Variants in SH3RF3 observed in about 807,000 individuals in gnomAD.
SH3RF3 encodes the protein SH3 domain containing ring finger 3.
A neutral mutation model predicts 66.3 loss-of-function variants in SH3RF3; 29 were observed. The ratio of observed to expected loss-of-function variants is 0.44; its 90% confidence interval spans 0.33 to 0.60. The LOEUF (loss-of-function observed/expected upper bound fraction) is 0.60, where lower values mean the gene tolerates loss of function less well. Ranked by LOEUF, SH3RF3 falls within the 20% of genes least tolerant of loss-of-function variation. The probability of loss-of-function intolerance (pLI) is 0.04; values close to 1 mark genes in which losing one functional copy is unlikely to be tolerated. For synonymous variants in SH3RF3, 583 were observed against 532.0 expected (o/e 1.10, Z -1.32); for missense variants, 1,194 against 1,190.9 (o/e 1.00, Z -0.04).
intron 1 of SH3RF3, among the ~76,000 whole-genome samples, chr2:109,285,712 G>T (rs1216371370): frequency 6.6e-6 from 1 of 152,232 alleles, no homozygotes; most frequent in East Asian, 1.9e-4. Flanking sequence ...TTTTGCATCT[G>T]TCCCTGAGCC....
At chr2:109,142,060 G>C (rs915317908) in intron 1 of SH3RF3, among the ~76,000 whole-genome samples, 1 of 151,642 alleles carries the variant, frequency 6.6e-6, no homozygotes, top group African/African-American at 2.4e-5. Flanking sequence ...GGGGTCTCAG[G>C]TATGTGCCTA....
chr2:109,299,317 GCTT>G (rs1213844728), intron 1 of SH3RF3, among the ~76,000 whole-genome samples: 1 of 152,110 alleles, frequency 6.6e-6, no homozygotes, highest in Non-Finnish European at 1.5e-5. Context: ...AAAATTTGAA[GCTT>G]GCAGGGGCAG....
At chr2:109,468,736 C>A (rs1385440846) in intron 8 of SH3RF3, among the ~76,000 whole-genome samples, 1 of 151,418 alleles carries the variant, frequency 6.6e-6, no homozygotes, top group Non-Finnish European at 1.5e-5. Flanking sequence ...CACCTGTAAT[C>A]CCAGCTACTC....
intron 1 of SH3RF3, among the ~76,000 whole-genome samples, chr2:109,265,193 A>C (rs1037867046): frequency 5.3e-5 from 8 of 151,950 alleles, no homozygotes; most frequent in Non-Finnish European, 1.2e-4. Flanking sequence ...GAGGGTTCCT[A>C]GTGGAAAGGA....
chr2:109,155,155 G>T (rs1053974986), intron 1 of SH3RF3, among the ~76,000 whole-genome samples: 2 of 152,202 alleles, frequency 1.3e-5, no homozygotes, highest in African/African-American at 4.8e-5. Context: ...ATGTTCGGTG[G>T]TGTTCGGCAT....
chr2:109,379,837 C>T (rs138396486), intron 3 of SH3RF3, among the ~76,000 whole-genome samples: 1,565 of 152,216 alleles, frequency 0.01, 14 homozygotes, highest in Non-Finnish European at 0.017. Context: ...GACCAGAAGG[C>T]AGGGACCAGG....
At chr2:109,302,129 A>G (rs1681483596) in intron 1 of SH3RF3, among the ~76,000 whole-genome samples, 1 of 152,108 alleles carries the variant, frequency 6.6e-6, no homozygotes, top group South Asian at 2.1e-4. Context: ...GAGGCTGGTC[A>G]TTTTTTCAGA....
chr2:109,322,956 A>G (rs1378350782), intron 1 of SH3RF3, among the ~76,000 whole-genome samples: 1 of 152,160 alleles, frequency 6.6e-6, no homozygotes, highest in Non-Finnish European at 1.5e-5. Flanking sequence ...GTGGGCAGGC[A>G]ATATAAAGAG....
At chr2:109,466,644 C>T (rs557225493) in intron 8 of SH3RF3, among the ~76,000 whole-genome samples, 2 of 152,292 alleles carry the variant, frequency 1.3e-5, no homozygotes, top group East Asian at 3.9e-4. Flanking sequence ...TAAAAAGGCA[C>T]CACTAAGCCT....
At chr2:109,269,980 TG>T (rs1424641316) in intron 1 of SH3RF3, among the ~76,000 whole-genome samples, 1 of 152,204 alleles carries the variant, frequency 6.6e-6, no homozygotes, top group Non-Finnish European at 1.5e-5. Flanking sequence ...CAGAAATTAA[TG>T]AAGCCCTAGG....
At chr2:109,447,028 A>G (rs1677724730) in intron 7 of SH3RF3, among the ~76,000 whole-genome samples, 1 of 151,944 alleles carries the variant, frequency 6.6e-6, no homozygotes, top group Non-Finnish European at 1.5e-5. Context: ...GGGTGATTAA[A>G]TGACCCGAGG....
chr2:109,212,678 C>G (rs1038223089), intron 1 of SH3RF3, among the ~76,000 whole-genome samples: 6 of 152,186 alleles, frequency 3.9e-5, no homozygotes, highest in Admixed American at 2.6e-4. Flanking sequence ...GTTAAATGGA[C>G]TCACCTGATT....
chr2:109,135,835 C>T (rs1676802420), intron 1 of SH3RF3, among the ~76,000 whole-genome samples: 1 of 152,114 alleles, frequency 6.6e-6, no homozygotes, highest in Admixed American at 6.5e-5. Context: ...TCTTTATTAT[C>T]AGAGGCAGTG....
rs1404420195 is a variant in SH3RF3 at position 109,337,885 on chromosome 2, G to A, written c.574-9789G>A. The stretch of plus-strand genomic sequence containing the variant: ...TGGGACTGCAGGCATGCACCACCAC[G>A]CCTGGCTAATTTTTGTATTTTTTTT... On this transcript the variant is annotated intron_variant, in intron 1 of 9. Transcript: ENST00000309415. 5.3e-5 allele frequency among the ~76,000 whole-genome samples: 8 copies of A among 151,732 alleles called. No individual in the cohort carries two copies. The East Asian group carries it at 1.2e-3, about 22-fold the overall frequency.
At chr2:109,445,413 A>G (rs1243789809) in intron 7 of SH3RF3, among the ~76,000 whole-genome samples, 1 of 152,266 alleles carries the variant, frequency 6.6e-6, no homozygotes, top group Non-Finnish European at 1.5e-5. Context: ...AAGGATAAGG[A>G]AAATACTACA....
intron 8 of SH3RF3, among the ~76,000 whole-genome samples, chr2:109,480,441 G>C (rs1464068089): frequency 6.6e-6 from 1 of 151,972 alleles, no homozygotes; most frequent in Non-Finnish European, 1.5e-5. Flanking sequence ...CTGAGAAAAA[G>C]AGAGTAATAA....
intron 1 of SH3RF3, among the ~76,000 whole-genome samples, chr2:109,256,054 T>C: frequency 6.6e-6 from 1 of 152,166 alleles, no homozygotes. Context: ...TCCTCACAAA[T>C]GTAAGCCTGT....
intron 1 of SH3RF3, among the ~76,000 whole-genome samples, chr2:109,342,948 A>C (rs1225746499): frequency 6.6e-6 from 1 of 151,806 alleles, no homozygotes; most frequent in Non-Finnish European, 1.5e-5. Flanking sequence ...TTTTTCTTTT[A>C]TTTCTTTTTC....
intron 9 of SH3RF3, among the ~76,000 whole-genome samples, chr2:109,498,281 C>G (rs28603341): frequency 0.27 from 41,650 of 152,042 alleles, 6,058 homozygotes; most frequent in East Asian, 0.5. Context: ...TTCGGGACTG[C>G]GACCCAGAAC....
Sources: gnomAD v4.1 joint callset for allele counts (sites outside exome capture counted in the v4.1 genomes callset) on GRCh38, gnomAD v4.1.1 for gene constraint, MANE v1.5 for transcripts, NCBI Gene and HGNC (gene_info 2026-07-23, HGNC 2026-07-21) for gene names.